Variants in SNX9 observed in about 807,000 individuals in gnomAD.
SNX9 encodes sorting nexin-9.
SNX9 carries 44 observed loss-of-function variants against 89.4 expected under a neutral mutation model. The observed-to-expected ratio is 0.49, with a 90% confidence interval of 0.39 to 0.63. SNX9 has a LOEUF of 0.63. Among genes scored for constraint, SNX9 ranks in the 30% least tolerant of loss-of-function variants. The pLI, the probability that SNX9 is intolerant of heterozygous loss-of-function variation, is 0.00. For synonymous variants in SNX9, 236 were observed against 247.8 expected (o/e 0.95, Z 0.45); for missense variants, 578 against 736.1 (o/e 0.79, Z 2.49).
At chr6:157,937,135 A>G (rs1405094003) in intron 14 of SNX9, among the ~76,000 whole-genome samples, 1 of 152,246 alleles carries the variant, frequency 6.6e-6, no homozygotes, top group Admixed American at 6.5e-5. Flanking sequence ...TTGTGTGTAA[A>G]CATACAGCAT....
intron 9 of SNX9, among the ~76,000 whole-genome samples, chr6:157,912,374 T>G (rs554141447): frequency 6.6e-6 from 1 of 152,324 alleles, no homozygotes; most frequent in East Asian, 1.9e-4. Flanking sequence ...AGTGCTCTTT[T>G]AAAGCTTCAG....
chr6:157,841,520 TA>T (rs1781702498), intron 1 of SNX9, among the ~76,000 whole-genome samples: 1 of 152,104 alleles, frequency 6.6e-6, no homozygotes, highest in Non-Finnish European at 1.5e-5. Flanking sequence ...CAGGGAGGTT[TA>T]ATTGGTTCCA....
At chr6:157,853,191 A>G (rs1199642131) in intron 1 of SNX9, among the ~76,000 whole-genome samples, 1 of 151,968 alleles carries the variant, frequency 6.6e-6, no homozygotes, top group Non-Finnish European at 1.5e-5. Flanking sequence ...TTATTTCACC[A>G]TCATTTTTGA....
At chr6:157,825,788 G>C (rs192870766) in intron 1 of SNX9, among the ~76,000 whole-genome samples, 1 of 152,224 alleles carries the variant, frequency 6.6e-6, no homozygotes, top group Admixed American at 6.5e-5. Context: ...TGTTCCCAGA[G>C]AGTCAAGTTG....
At chr6:157,856,814 C>G (rs764309203) in intron 1 of SNX9, among the ~76,000 whole-genome samples, 8 of 150,668 alleles carry the variant, frequency 5.3e-5, no homozygotes, top group Non-Finnish European at 1.0e-4. Flanking sequence ...GATTCACATT[C>G]TTTTTTTTTC....
chr6:157,920,079 A>T (rs1345638971), intron 9 of SNX9, among the ~76,000 whole-genome samples: 1 of 152,172 alleles, frequency 6.6e-6, no homozygotes, highest in African/African-American at 2.4e-5. Flanking sequence ...TCAGGCCAGT[A>T]AGTTGGGGCT....
chr6:157,927,813 G>A (rs1057437121), intron 11 of SNX9, among the ~76,000 whole-genome samples: 4 of 133,076 alleles, frequency 3.0e-5, no homozygotes, highest in African/African-American at 5.7e-5. Flanking sequence ...TGCAAGCTCC[G>A]CCTCCCAGGT....
At chr6:157,915,623 T>TAAAAAAAAAAAAAAAA (rs1172699831) in intron 9 of SNX9, among the ~76,000 whole-genome samples, 2 of 71,264 alleles carry the variant, frequency 2.8e-5, no homozygotes, top group African/African-American at 1.5e-4. Flanking sequence ...CCATCTCTAC[T>TAAAAAAAAAAAAAAAA]AAAAAAAAAA....
chr6:157,914,632 A>G (rs1469776458), intron 9 of SNX9, among the ~76,000 whole-genome samples: 2 of 149,914 alleles, frequency 1.3e-5, no homozygotes, highest in African/African-American at 2.5e-5. Context: ...TCTCATCAAC[A>G]CTTCTTGTTA....
chr6:157,876,857 A>G (rs1200260442), intron 4 of SNX9, among the ~76,000 whole-genome samples: 1 of 152,230 alleles, frequency 6.6e-6, no homozygotes, highest in Non-Finnish European at 1.5e-5. Flanking sequence ...TGCCAGTCAC[A>G]TGCACGCCAC....
In SNX9 at chr6:157,940,929, T is replaced by C; in HGVS notation, c.1695T>C (p.Ser565=). 6.2e-7 allele frequency: 1 copy of C among 1,614,226 alleles called. No individual in the cohort carries two copies. The highest frequency in any genetic ancestry group is 8.5e-7 in the Non-Finnish European group (1 of 1,180,030). The part of the protein sequence containing the change: ...FHSNRIYDYN[S]VIRLYLEQQV... ...GTAACCGGATCTATGATTACAACAG[T>C]GTCATCCGCCTGTACCTGGAGCAGC... Residue 565 remains serine (S), a synonymous_variant, in exon 17 of 18, where the codon AGT becomes AGC. Transcript: ENST00000392185.
intron 10 of SNX9, 54 bp downstream of exon 10, chr6:157,921,715 C>T: frequency 6.4e-7 from 1 of 1,551,074 alleles, no homozygotes; most frequent in South Asian, 1.2e-5. Context: ...GTCTCATTCA[C>T]ACCAAACTTA....
chr6:157,874,895 C>A, intron 3 of SNX9, 156 bp from the exon 4 acceptor site: 10 of 629,732 alleles, frequency 1.6e-5, no homozygotes, highest in Non-Finnish European at 2.2e-5. Context: ...AAAATACAAC[C>A]CATTAAAATA....
intron 10 of SNX9, among the ~76,000 whole-genome samples, chr6:157,922,076 C>T (rs1280667862): frequency 2.6e-5 from 4 of 152,188 alleles, no homozygotes; most frequent in Admixed American, 6.5e-5. Flanking sequence ...AAGGGAGAGG[C>T]AGACATGAGC....
chr6:157,900,728 T>C (rs1341421060), intron 5 of SNX9, among the ~76,000 whole-genome samples: 1 of 152,216 alleles, frequency 6.6e-6, no homozygotes, highest in Non-Finnish European at 1.5e-5. Flanking sequence ...GAATTTACAA[T>C]ATAGTGTATG....
chr6:157,872,392 A>G (rs765695032), intron 2 of SNX9, among the ~76,000 whole-genome samples: 11 of 152,158 alleles, frequency 7.2e-5, no homozygotes, highest in Non-Finnish European at 1.5e-4. Context: ...CTGCATAACA[A>G]TCCTAAAACT....
chr6:157,878,952 T>C (rs1203784529), intron 4 of SNX9, among the ~76,000 whole-genome samples: 2 of 152,092 alleles, frequency 1.3e-5, no homozygotes, highest in East Asian at 3.8e-4. Flanking sequence ...ATAGTTAATA[T>C]ACTTGGGAAA....
chr6:157,851,997 T>A (rs1781924387), intron 1 of SNX9, among the ~76,000 whole-genome samples: 1 of 152,188 alleles, frequency 6.6e-6, no homozygotes, highest in Non-Finnish European at 1.5e-5. Context: ...TGAATAATAT[T>A]CCTTTGTATT....
chr6:157,886,497 CTTATT>C (rs1464310115), intron 4 of SNX9, among the ~76,000 whole-genome samples: 1 of 152,184 alleles, frequency 6.6e-6, no homozygotes, highest in Non-Finnish European at 1.5e-5. Context: ...CACTAGGTGT[CTTATT>C]TTCTCTCTGT....
Sources: allele counts gnomAD v4.1 joint callset (sites outside exome capture counted in the v4.1 genomes callset), GRCh38; gene constraint gnomAD v4.1.1; transcripts MANE v1.5; gene names NCBI Gene and HGNC (gene_info 2026-07-23, HGNC 2026-07-21).